Variants in KIAA1671 observed in about 807,000 individuals in gnomAD.
KIAA1671 encodes KIAA1671.
Under a neutral mutation model 131.2 loss-of-function variants are expected in KIAA1671, and 52 were observed. The ratio of observed to expected loss-of-function variants is 0.40; its 90% CI spans 0.32 to 0.50. The LOEUF is 0.50. KIAA1671 is among the 20% of genes least tolerant of loss of function. KIAA1671 has a pLI of 0.73. For synonymous variants in KIAA1671, 1,003 were observed against 961.6 expected (o/e 1.04, Z -0.80); for missense variants, 2,360 against 2,364.2 (o/e 1.00, Z 0.04).
intron 6 of KIAA1671, among the ~76,000 whole-genome samples, chr22:25,120,176 A>G (rs773951339): frequency 6.6e-6 from 1 of 152,100 alleles, no homozygotes; most frequent in African/African-American, 2.4e-5. Context: ...CCAACTGCCA[A>G]CTGCCACCTG....
At chr22:24,981,088 G>GTGTT (rs1555949693) in intron 1 of KIAA1671, among the ~76,000 whole-genome samples, 26 of 148,984 alleles carry the variant, frequency 1.7e-4, no homozygotes, top group African/African-American at 3.7e-4. Flanking sequence ...GTGTGTGTGT[G>GTGTT]TTTTTACTGT....
chr22:25,137,493 C>G (rs1312610556), intron 6 of KIAA1671, among the ~76,000 whole-genome samples: 4 of 152,192 alleles, frequency 2.6e-5, no homozygotes, highest in Admixed American at 2.6e-4. Flanking sequence ...GGGAGAATTA[C>G]ATAATGGCCA....
Position 25,029,190 on chromosome 22 carries a change from G to C in KIAA1671, c.1191G>C (p.Glu397Asp). The C allele has an allele frequency of 6.9e-7, 1 of 1,456,626 alleles. No individual in the cohort carries two copies. 90.2% of individuals were successfully genotyped at this position (1,456,626 alleles called of 1,614,324 possible). A position where few individuals can be genotyped will look rare whatever the true frequency, so the allele number is the denominator to read the frequency against. Residue 397 changes from glutamate (E) to aspartate (D), a missense_variant, in exon 3 of 13, where the codon GAG becomes GAC. Coordinates refer to ENST00000358431, the MANE Select transcript of KIAA1671 (RefSeq NM_001145206.2). ...EEKAKLDPEP[E>D]KAAESPSPRL... ...AGGCCAAGCTGGACCCAGAGCCAGA[G>C]AAGGCTGCTGAGTCCCCCTCACCCA... is the stretch of plus-strand genomic sequence containing the variant.
chr22:25,187,248 A>G (rs1448626480), intron 11 of KIAA1671, among the ~76,000 whole-genome samples: 2 of 152,244 alleles, frequency 1.3e-5, no homozygotes, highest in Admixed American at 6.5e-5. Flanking sequence ...TTTGATTATA[A>G]AAGCAGTGAC....
At chr22:25,101,590 G>A (rs994450468) in intron 6 of KIAA1671, among the ~76,000 whole-genome samples, 5 of 152,204 alleles carry the variant, frequency 3.3e-5, no homozygotes, top group African/African-American at 1.2e-4. Context: ...TTAACACAAG[G>A]AAATAATCTT....
intron 1 of KIAA1671, chr22:25,023,194 C>A (rs956978647): frequency 6.6e-6 from 1 of 151,876 alleles, no homozygotes; most frequent in South Asian, 2.1e-4. Context: ...CGTGACACAC[C>A]GAGACTCTGT....
At chr22:25,063,370 A>G (rs570372857) in intron 6 of KIAA1671, 3 of 152,216 alleles carry the variant, frequency 2.0e-5, no homozygotes, top group African/African-American at 7.2e-5. Flanking sequence ...ATGGAATACT[A>G]CTCAGCCACA....
At chr22:25,071,873 G>T (rs927888310) in intron 6 of KIAA1671, among the ~76,000 whole-genome samples, 6 of 152,188 alleles carry the variant, frequency 3.9e-5, no homozygotes, top group Non-Finnish European at 8.8e-5. Context: ...TCCCCTGACC[G>T]CATGGAACTT....
intron 5 of KIAA1671, among the ~76,000 whole-genome samples, chr22:25,044,515 C>G (rs1927116937): frequency 6.6e-6 from 1 of 152,264 alleles, no homozygotes; most frequent in Non-Finnish European, 1.5e-5. Flanking sequence ...CTGGAGCACG[C>G]AGGCCCCAGC....
intron 6 of KIAA1671, among the ~76,000 whole-genome samples, chr22:25,093,842 C>CTCTCTCTCTCTCTCTCTCTGTG (rs1930256375): frequency 1.6e-5 from 1 of 64,066 alleles, no homozygotes; most frequent in Non-Finnish European, 3.4e-5. Context: ...CTGTCTGTCT[C>CTCTCTCTCTCTCTCTCTCTGTG]TCTCTCTCTC....
At chr22:25,155,370 A>G (rs1233004899) in intron 6 of KIAA1671, among the ~76,000 whole-genome samples, 1 of 151,296 alleles carries the variant, frequency 6.6e-6, no homozygotes, top group Non-Finnish European at 1.5e-5. Context: ...TGTGTGTATT[A>G]TATATGTTTT....
At chr22:25,183,484 C>G (rs1217100702) in intron 10 of KIAA1671, among the ~76,000 whole-genome samples, 1 of 90,594 alleles carries the variant, frequency 1.1e-5, no homozygotes, top group Non-Finnish European at 2.2e-5. Flanking sequence ...CTTCCTTTCT[C>G]TTTCTCCTTC....
At chr22:25,049,441 G>A in intron 6 of KIAA1671, 77 bp downstream of exon 6, 1 of 1,482,330 alleles carries the variant, frequency 6.7e-7, no homozygotes, top group Non-Finnish European at 9.1e-7. Flanking sequence ...GTGGTTGGTG[G>A]AGCATCTGGA....
chr22:25,085,108 C>T (rs1398029013), intron 6 of KIAA1671, among the ~76,000 whole-genome samples: 1 of 152,230 alleles, frequency 6.6e-6, no homozygotes, highest in African/African-American at 2.4e-5. Context: ...AATGTGTAGC[C>T]ACATTCAAAA....
chr22:25,081,610 G>A (rs1241881148), intron 6 of KIAA1671, among the ~76,000 whole-genome samples: 4 of 106,512 alleles, frequency 3.8e-5, no homozygotes, highest in Non-Finnish European at 7.4e-5. Flanking sequence ...GGGGTTAGAT[G>A]GGCAGCTGCT....
In KIAA1671 at chr22:25,023,761, A is replaced by G. The variant is rs1195739640; in HGVS notation, c.-207-1872A>G. The G allele has an allele frequency of 2.0e-5, 3 of 152,118 alleles. No homozygotes were observed. In the East Asian group the frequency reaches 5.8e-4, roughly 29 times the overall value. The allele number at this position is 152,118 out of a possible 1,614,324, so 9.4% of individuals were successfully genotyped here. ...GGATTTCAAGACCAGCCTGGCCAAC[A>G]TAGTGAAACCCCGTCTCTACCAAAA... On this transcript the variant is annotated intron_variant, in intron 1 of 12. Coordinates refer to ENST00000358431, the MANE Select transcript of KIAA1671 (RefSeq NM_001145206.2).
chr22:25,004,910 C>T (rs1285591187), intron 1 of KIAA1671, among the ~76,000 whole-genome samples: 1 of 151,426 alleles, frequency 6.6e-6, no homozygotes, highest in Non-Finnish European at 1.5e-5. Context: ...GGCACCTCTG[C>T]ACTCCAGCCT....
intron 9 of KIAA1671, chr22:25,179,499 C>T (rs561299997): frequency 1.1e-5 from 18 of 1,612,222 alleles, no homozygotes; most frequent in African/African-American, 1.1e-4. Context: ...TTGTGCAGCA[C>T]CTCCCGCTCG....
At chr22:25,067,375 C>T (rs964936096) in intron 6 of KIAA1671, among the ~76,000 whole-genome samples, 4 of 152,128 alleles carry the variant, frequency 2.6e-5, no homozygotes, top group Admixed American at 2.0e-4. Flanking sequence ...TGTCCCTGCC[C>T]GCCTCCCGGG....
Sources: allele counts gnomAD v4.1 joint callset (sites outside exome capture counted in the v4.1 genomes callset), GRCh38; gene constraint gnomAD v4.1.1; transcripts MANE v1.5; gene names NCBI Gene and HGNC (gene_info 2026-07-23, HGNC 2026-07-21).